The following CSNK2A2 variants were observed in gnomAD, a reference collection of about 807,000 sequenced individuals.
CSNK2A2 encodes the protein casein kinase II subunit alpha'.
Under a neutral mutation model 54.0 loss-of-function variants are expected in CSNK2A2, and 8 were observed. That is an observed-to-expected ratio of 0.15 (90% CI 0.09 to 0.27). The LOEUF (loss-of-function observed/expected upper bound fraction) is 0.27, where lower values mean the gene tolerates loss of function less well. Among genes scored for constraint, CSNK2A2 ranks in the 10% least tolerant of loss-of-function variants. The pLI is 1.00. For missense variants in CSNK2A2, 242 were observed against 439.4 expected (o/e 0.55, Z 4.02); for synonymous variants, 141 against 153.9 (o/e 0.92, Z 0.62).
chr16:58,182,460 CAGG>C (rs1318443180), intron 4 of CSNK2A2, among the ~76,000 whole-genome samples: 1 of 131,710 alleles, frequency 7.6e-6, no homozygotes, highest in South Asian at 2.3e-4. Flanking sequence ...GAGGCTGAAG[CAGG>C]AGAATTGATT....
chr16:58,189,151 G>T (rs1032961673), intron 2 of CSNK2A2, among the ~76,000 whole-genome samples: 7 of 151,842 alleles, frequency 4.6e-5, no homozygotes, highest in Non-Finnish European at 7.4e-5. Flanking sequence ...TAGAGACGGG[G>T]TCTCACCATG....
Position 58,158,335 on chromosome 16 carries a change from T to C in CSNK2A2, c.*36A>G, listed in dbSNP as rs1303622097. ...GGTTCTTGTTCTGCTTATGGAAAAG[T>C]GGGAGAACCGCAACAGACCTGGGGA... On this transcript the variant is annotated 3_prime_UTR_variant, in exon 12 of 12. Coordinates refer to ENST00000262506, the MANE Select transcript of CSNK2A2 (RefSeq NM_001896.4). 1.3e-5 allele frequency: 2 copies of C among 152,588 alleles called. No homozygotes were observed. Among genetic ancestry groups the C allele is most frequent in the Admixed American group, 1.3e-4 (2 of 15,266 alleles). 9.5% of individuals were successfully genotyped at this position (152,588 alleles called of 1,614,324 possible). A position where few individuals can be genotyped will look rare whatever the true frequency, so the allele number is the denominator to read the frequency against.
At chr16:58,171,975 ATATATTTTTTT>A (rs1485596802) in intron 5 of CSNK2A2, among the ~76,000 whole-genome samples, 20 of 36,164 alleles carry the variant, frequency 5.5e-4, no homozygotes, top group African/African-American at 3.2e-3. Flanking sequence ...ATATATATAT[ATATATTTTTTT>A]TTTTTTTTTT....
At chr16:58,168,891 G>A (rs1961649518) in intron 5 of CSNK2A2, among the ~76,000 whole-genome samples, 198 bp from the exon 6 acceptor site, 1 of 152,118 alleles carries the variant, frequency 6.6e-6, no homozygotes, top group Non-Finnish European at 1.5e-5. Flanking sequence ...TGGTAGAAAG[G>A]GGGTATGAAG....
At chr16:58,171,979 A>ATATTTTTTTTT (rs1261137669) in intron 5 of CSNK2A2, among the ~76,000 whole-genome samples, 1 of 66,216 alleles carries the variant, frequency 1.5e-5, no homozygotes. Flanking sequence ...ATATATATAT[A>ATATTTTTTTTT]TTTTTTTTTT....
At chr16:58,192,332 T>TA (rs1962337907) in intron 2 of CSNK2A2, among the ~76,000 whole-genome samples, 1 of 152,182 alleles carries the variant, frequency 6.6e-6, no homozygotes, top group Non-Finnish European at 1.5e-5. Context: ...AGATATTCTT[T>TA]TCACATGTGG....
Position 58,197,518 on chromosome 16 carries a change from G to A in CSNK2A2, c.104+115C>T. ...GCGAGAGCGGGACCTCTGCCTCCCT[G>A]CGGGCCCGCGGAGGGGTCGGCGGGA... is the stretch of plus-strand genomic sequence containing the variant. On this transcript the variant is annotated intron_variant, in intron 1 of 11. Coordinates refer to ENST00000262506, the MANE Select transcript of CSNK2A2 (RefSeq NM_001896.4). This position sits in a 1 kb window ranked among gnomAD's most constrained non-coding sequence, Gnocchi z 4.0. The A allele has an allele frequency of 1.9e-6, 1 of 517,580 alleles. No homozygotes were observed. The highest frequency in any genetic ancestry group is 3.3e-6 in the Non-Finnish European group (1 of 301,022). 32.1% of individuals were successfully genotyped at this position (517,580 alleles called of 1,614,324 possible).
intron 4 of CSNK2A2, among the ~76,000 whole-genome samples, chr16:58,177,451 G>A (rs1331439883): frequency 6.6e-6 from 1 of 152,090 alleles, no homozygotes; most frequent in Non-Finnish European, 1.5e-5. Flanking sequence ...GTCTGAGGAG[G>A]GCCTCCATGG....
chr16:58,163,253 C>CAAAAAAAAAAAAAAAAAAAAA (rs55808367), intron 11 of CSNK2A2: 15 of 66,578 alleles, frequency 2.3e-4, no homozygotes, highest in East Asian at 4.2e-4. Flanking sequence ...ACAAGGCTGC[C>CAAAAAAAAAAAAAAAAAAAAA]AAAAAAAAAA....
At chr16:58,193,650 A>G (rs1246541719) in intron 2 of CSNK2A2, among the ~76,000 whole-genome samples, 1 of 152,242 alleles carries the variant, frequency 6.6e-6, no homozygotes, top group African/African-American at 2.4e-5. Flanking sequence ...ATAAAATGCT[A>G]AAAGTTGTCA....
intron 10 of CSNK2A2, among the ~76,000 whole-genome samples, chr16:58,164,543 T>C (rs1247797059): frequency 5.9e-5 from 9 of 152,190 alleles, no homozygotes; most frequent in Non-Finnish European, 1.0e-4. Flanking sequence ...TCAGAAGACC[T>C]ATCCATTTTA....
intron 4 of CSNK2A2, among the ~76,000 whole-genome samples, chr16:58,176,624 G>A (rs2550356): frequency 0.3 from 45,987 of 151,922 alleles, 7,262 homozygotes; most frequent in African/African-American, 0.39. Flanking sequence ...GGAGTCCACA[G>A]CTCTGACAAA....
At chr16:58,184,624 T>C (rs573615993) in intron 3 of CSNK2A2, among the ~76,000 whole-genome samples, 2 of 152,346 alleles carry the variant, frequency 1.3e-5, no homozygotes, top group East Asian at 3.9e-4. Flanking sequence ...TTGAAAATGG[T>C]TGAAAATTTC....
At chr16:58,185,314 G>A (rs905125975) in intron 3 of CSNK2A2, among the ~76,000 whole-genome samples, 4 of 152,204 alleles carry the variant, frequency 2.6e-5, no homozygotes, top group Non-Finnish European at 5.9e-5. Flanking sequence ...GCCCGAAGCT[G>A]TAAGGGTTTC....
intron 5 of CSNK2A2, 38 bp downstream of exon 5, chr16:58,174,413 G>A: frequency 4.3e-6 from 6 of 1,411,298 alleles, no homozygotes; most frequent in South Asian, 2.5e-5. Flanking sequence ...TTAATGAACA[G>A]GCCTGAAAAA....
chr16:58,194,831 G>C (rs55691416), intron 2 of CSNK2A2, among the ~76,000 whole-genome samples: 10,717 of 152,094 alleles, frequency 0.07, 475 homozygotes, highest in South Asian at 0.21. Flanking sequence ...GAAAGCTAGA[G>C]CCTATAAAGC....
chr16:58,178,299 A>G (rs1226961397), intron 4 of CSNK2A2, among the ~76,000 whole-genome samples: 1 of 150,568 alleles, frequency 6.6e-6, no homozygotes, highest in Non-Finnish European at 1.5e-5. Flanking sequence ...TTTTCTTTCA[A>G]TTGAGATGGA....
chr16:58,197,111 AC>A lies in CSNK2A2; in HGVS notation c.105-268del, dbSNP rs961289952. ...GCCAATCCAGAGGGGCGAGCAAAGC[AC>A]CCGTCCTGAAGGCCTAGAGGGTGCC... On this transcript the variant is annotated intron_variant, in intron 1 of 11. Coordinates refer to ENST00000262506, the MANE Select transcript of CSNK2A2 (RefSeq NM_001896.4). This position sits in a 1 kb window ranked among gnomAD's most constrained non-coding sequence, Gnocchi z 4.0. 1 of 437,996 alleles carries A rather than the reference AC, an allele frequency of 2.3e-6. No individual in the cohort carries two copies. The highest frequency in any genetic ancestry group is 4.2e-6 in the Non-Finnish European group (1 of 236,850). The allele number at this position is 437,996 out of a possible 1,614,324, so 27.1% of individuals were successfully genotyped here. A position where few individuals can be genotyped will look rare whatever the true frequency, so the allele number is the denominator to read the frequency against.
intron 11 of CSNK2A2, chr16:58,161,937 A>G (rs868656383): frequency 5.9e-5 from 9 of 152,266 alleles, no homozygotes; most frequent in African/African-American, 2.2e-4. Context: ...CATCACCGTC[A>G]GAGAGACAGG....
Sources: allele counts gnomAD v4.1 joint callset (sites outside exome capture counted in the v4.1 genomes callset), GRCh38; gene constraint gnomAD v4.1.1; non-coding constraint Gnocchi (gnomAD v3.1); transcripts MANE v1.5; gene names NCBI Gene and HGNC (gene_info 2026-07-23, HGNC 2026-07-21).